TEAD1: variants seen among roughly 807,000 people sequenced by gnomAD.
TEAD1 encodes the protein transcriptional enhancer factor TEF-1.
TEAD1 carries 9 observed loss-of-function variants against 54.9 expected under a neutral mutation model. The observed-to-expected ratio is 0.16, with a 90% CI of 0.10 to 0.29. The LOEUF is 0.29. Ranked by LOEUF, TEAD1 falls within the 10% of genes least tolerant of loss-of-function variation. TEAD1 has a pLI of 1.00. For missense variants in TEAD1, 387 were observed against 535.9 expected (o/e 0.72, Z 2.74); for synonymous variants, 200 against 187.8 (o/e 1.07, Z -0.53).
intron 2 of TEAD1, among the ~76,000 whole-genome samples, chr11:12,697,936 T>A (rs896083862): frequency 4.7e-5 from 7 of 150,404 alleles, no homozygotes; most frequent in African/African-American, 1.7e-4. Context: ...GGTGGGAGAA[T>A]CGCTTGAACC....
intron 5 of TEAD1, chr11:12,879,501 A>T (rs112970959): frequency 2.9e-6 from 2 of 690,116 alleles, no homozygotes; most frequent in Non-Finnish European, 5.2e-6. Context: ...GCCTTGCCCC[A>T]TTGGGTCTTC....
intron 3 of TEAD1, among the ~76,000 whole-genome samples, chr11:12,834,562 G>T (rs1335495127): frequency 6.6e-6 from 1 of 152,184 alleles, no homozygotes; most frequent in Non-Finnish European, 1.5e-5. Flanking sequence ...ACGCCTGGTG[G>T]TATACAGTAG....
intron 3 of TEAD1, among the ~76,000 whole-genome samples, chr11:12,785,555 A>T (rs960630662): frequency 2.0e-5 from 3 of 152,220 alleles, no homozygotes; most frequent in African/African-American, 7.2e-5. Flanking sequence ...GCAAACCAGG[A>T]TATATAATCT....
intron 2 of TEAD1, among the ~76,000 whole-genome samples, chr11:12,677,426 T>A (rs1943121466): frequency 6.6e-6 from 1 of 152,264 alleles, no homozygotes; most frequent in East Asian, 1.9e-4. Context: ...CCCCACTTAC[T>A]TTATACAGCA....
intron 2 of TEAD1, among the ~76,000 whole-genome samples, chr11:12,680,496 C>T (rs11022469): frequency 1.3e-5 from 2 of 152,300 alleles, no homozygotes; most frequent in East Asian, 1.9e-4. Flanking sequence ...CCCGCCCGCC[C>T]GAGCCTGTTG....
rs545004666 is a variant in TEAD1, at chr11:12,759,707, C to T, written c.-54-4472C>T. Among the ~76,000 whole-genome samples, 37 of 152,084 alleles carry T rather than the reference C, an allele frequency of 2.4e-4. 1 individual carries two copies. The highest frequency in any genetic ancestry group is 6.8e-3 in the Middle Eastern group (2 of 294). On this transcript the variant is annotated intron_variant, in intron 2 of 12. Transcript: ENST00000527636. ...GAAACCCTGTCTCTACTAAAAAATA[C>T]AAAAATTAGCTGAGCGTGGTGGTGA...
chr11:12,874,825 G>C (rs1488314648), intron 5 of TEAD1, among the ~76,000 whole-genome samples: 1 of 152,122 alleles, frequency 6.6e-6, no homozygotes, highest in Non-Finnish European at 1.5e-5. Context: ...TTGGGGTTCA[G>C]TTGGAAAAGG....
In TEAD1 at chr11:12,800,514, G is replaced by A. The variant is rs77972057; in HGVS notation, c.202+36080G>A. On this transcript the variant is annotated intron_variant, in intron 3 of 12. Transcript: ENST00000527636. ...ATGGTTCCTGCTGTGTTAGAGATAC[G>A]TTCAGAGGGCTGATAAGGGAGGGGG... 7.2e-3 allele frequency among the ~76,000 whole-genome samples: 1,089 copies of A among 152,306 alleles called. 12 individuals are homozygous for A. The highest frequency in any genetic ancestry group is 0.025 in the African/African-American group (1,037 of 41,546).
At chr11:12,861,984 C>CTT (rs72145575) in intron 3 of TEAD1, among the ~76,000 whole-genome samples, 18 of 124,358 alleles carry the variant, frequency 1.4e-4, no homozygotes, top group Admixed American at 2.5e-4. Flanking sequence ...GAAACTCTGT[C>CTT]TTTTTTTTTT....
chr11:12,792,337 A>T (rs1255141327), intron 3 of TEAD1, among the ~76,000 whole-genome samples: 2 of 148,370 alleles, frequency 1.3e-5, no homozygotes, highest in East Asian at 3.9e-4. Flanking sequence ...CAAGAAAAGG[A>T]AAGTAAAGGG....
intron 3 of TEAD1, among the ~76,000 whole-genome samples, chr11:12,765,401 C>T (rs189599135): frequency 6.6e-6 from 1 of 152,358 alleles, no homozygotes; most frequent in African/African-American, 2.4e-5. Context: ...AAGATGCAAA[C>T]ACAAATAACC....
At chr11:12,852,869 G>A (rs757243418) in intron 3 of TEAD1, among the ~76,000 whole-genome samples, 2 of 152,178 alleles carry the variant, frequency 1.3e-5, no homozygotes, top group African/African-American at 2.4e-5. Flanking sequence ...GATTGTGGGC[G>A]GTTCCCTGAC....
intron 10 of TEAD1, among the ~76,000 whole-genome samples, chr11:12,914,687 ACCTCCC>A (rs1459754296): frequency 1.4e-5 from 2 of 147,054 alleles, no homozygotes; most frequent in Non-Finnish European, 3.1e-5. Context: ...CTTTCTCCAG[ACCTCCC>A]CCTTCTCTCT....
At chr11:12,749,672 C>T (rs78030137) in intron 2 of TEAD1, among the ~76,000 whole-genome samples, 1 of 152,218 alleles carries the variant, frequency 6.6e-6, no homozygotes, top group African/African-American at 2.4e-5. Context: ...CCGTACCTCT[C>T]TTGGACTGGG....
chr11:12,733,119 C>A (rs1397384629), intron 2 of TEAD1, among the ~76,000 whole-genome samples: 1 of 152,202 alleles, frequency 6.6e-6, no homozygotes, highest in Non-Finnish European at 1.5e-5. Flanking sequence ...TCTCAGATCC[C>A]TCACCTGTTA....
intron 3 of TEAD1, among the ~76,000 whole-genome samples, chr11:12,844,039 T>C (rs1417951935): frequency 6.6e-6 from 1 of 152,262 alleles, no homozygotes; most frequent in Non-Finnish European, 1.5e-5. Flanking sequence ...CAAGTTATTT[T>C]CTTTGGAGAT....
At chr11:12,674,892 GC>G (rs1188339097) in intron 1 of TEAD1, 58 bp downstream of exon 1, 1 of 147,222 alleles carries the variant, frequency 6.8e-6, no homozygotes, top group African/African-American at 2.4e-5. Flanking sequence ...GCAGCGGGGG[GC>G]CGGCGGCGCG....
intron 10 of TEAD1, among the ~76,000 whole-genome samples, chr11:12,920,299 T>G (rs1222523118): frequency 6.6e-6 from 1 of 152,244 alleles, no homozygotes; most frequent in African/African-American, 2.4e-5. Flanking sequence ...GCAATTTTAC[T>G]AACATCATGA....
At chr11:12,905,495 CTA>C (rs1208587838) in intron 10 of TEAD1, among the ~76,000 whole-genome samples, 1 of 152,100 alleles carries the variant, frequency 6.6e-6, no homozygotes, top group Admixed American at 6.6e-5. Context: ...TCAGTCATAA[CTA>C]TGTTAAAATA....
Sources: gnomAD v4.1 joint callset for allele counts (sites outside exome capture counted in the v4.1 genomes callset) on GRCh38, gnomAD v4.1.1 for gene constraint, MANE v1.5 for transcripts, NCBI Gene and HGNC (gene_info 2026-07-23, HGNC 2026-07-21) for gene names.